The following CNTNAP5 variants were observed in gnomAD, a reference collection of about 807,000 sequenced individuals.
CNTNAP5 encodes the protein contactin-associated protein-like 5.
CNTNAP5 carries 72 observed loss-of-function variants against 150.2 expected under a neutral mutation model. That is an observed-to-expected ratio of 0.48 (90% CI 0.40 to 0.58). The LOEUF (loss-of-function observed/expected upper bound fraction) is 0.58. CNTNAP5 is among the 20% of genes least tolerant of loss of function. The probability of loss-of-function intolerance (pLI) is 0.00; values close to 1 mark genes in which losing one functional copy is unlikely to be tolerated. For missense variants in CNTNAP5, 1,636 were observed against 1,626.2 expected (o/e 1.01, Z -0.10); for synonymous variants, 672 against 619.8 (o/e 1.08, Z -1.25).
At chr2:124,048,097 G>C (rs566185406) in intron 1 of CNTNAP5, among the ~76,000 whole-genome samples, 1 of 152,276 alleles carries the variant, frequency 6.6e-6, no homozygotes, top group East Asian at 1.9e-4. Context: ...CATTCTGCCT[G>C]TTTTACTAGT....
intron 2 of CNTNAP5, among the ~76,000 whole-genome samples, chr2:124,237,763 T>A (rs1247789813): frequency 6.6e-6 from 1 of 151,846 alleles, no homozygotes; most frequent in Non-Finnish European, 1.5e-5. Flanking sequence ...CGTCAACCCA[T>A]GAGGCAGAGG....
intron 10 of CNTNAP5, among the ~76,000 whole-genome samples, chr2:124,547,262 A>C (rs1017951563): frequency 2.0e-5 from 3 of 152,170 alleles, no homozygotes; most frequent in Non-Finnish European, 4.4e-5. Context: ...GGAGAGAGTA[A>C]GCCCCGCAAG....
At chr2:124,544,760 C>A (rs958148931) in intron 10 of CNTNAP5, among the ~76,000 whole-genome samples, 1 of 152,120 alleles carries the variant, frequency 6.6e-6, no homozygotes, top group Non-Finnish European at 1.5e-5. Flanking sequence ...TTACATTTTT[C>A]TTATCCATAA....
chr2:124,576,470 C>T (rs975715348), intron 11 of CNTNAP5, among the ~76,000 whole-genome samples: 3 of 152,178 alleles, frequency 2.0e-5, no homozygotes, highest in African/African-American at 7.2e-5. Flanking sequence ...TGTTACATAA[C>T]ATATGCAGAT....
At position 124,375,957 on chromosome 2, in the gene CNTNAP5, A is replaced by G. The variant is rs567721242; in HGVS notation, c.382-41486A>G. Among the ~76,000 whole-genome samples, 288 of 152,186 alleles carry G rather than the reference A, an allele frequency of 1.9e-3. 2 individuals are homozygous for G. Among genetic ancestry groups the G allele is most frequent in the African/African-American group, 6.7e-3 (277 of 41,544 alleles). On this transcript the variant is annotated intron_variant, in intron 3 of 23. Transcript: ENST00000682447. ...CCTTGAAAAGTGTCCTCAAAATGGA[A>G]CCAAAGGTCATTCCAGGCTTTGGCC...
chr2:124,814,575 C>T (rs1682309033), intron 19 of CNTNAP5, among the ~76,000 whole-genome samples: 1 of 151,772 alleles, frequency 6.6e-6, no homozygotes, highest in South Asian at 2.1e-4. Context: ...AAAAATAGGG[C>T]ATTTTTTTTT....
At chr2:124,216,975 A>T (rs939415084) in intron 1 of CNTNAP5, among the ~76,000 whole-genome samples, 14 of 152,180 alleles carry the variant, frequency 9.2e-5, no homozygotes, top group Admixed American at 2.6e-4. Flanking sequence ...ACCAACTTCC[A>T]CAATGGTTAA....
At chr2:124,467,230 C>G (rs887546277) in intron 6 of CNTNAP5, among the ~76,000 whole-genome samples, 5 of 152,126 alleles carry the variant, frequency 3.3e-5, no homozygotes, top group Admixed American at 1.3e-4. Flanking sequence ...TTCCAACATG[C>G]AGAGGCCCTA....
intron 12 of CNTNAP5, among the ~76,000 whole-genome samples, chr2:124,646,623 T>C (rs920572735): frequency 2.6e-5 from 4 of 152,230 alleles, no homozygotes; most frequent in African/African-American, 9.6e-5. Context: ...AGAATTAAAT[T>C]GCATGTCCAA....
intron 3 of CNTNAP5, among the ~76,000 whole-genome samples, chr2:124,374,678 A>G (rs1690604002): frequency 1.3e-5 from 2 of 152,162 alleles, no homozygotes; most frequent in South Asian, 2.1e-4. Flanking sequence ...GACATGTCAC[A>G]TAAGTCAGAC....
chr2:124,836,721 A>G (rs1440466049), intron 19 of CNTNAP5, among the ~76,000 whole-genome samples: 1 of 151,972 alleles, frequency 6.6e-6, no homozygotes, highest in Admixed American at 6.6e-5. Flanking sequence ...TCCATGGGTA[A>G]TATGCCCCGG....
At chr2:124,255,630 A>T (rs1397699470) in intron 3 of CNTNAP5, among the ~76,000 whole-genome samples, 1 of 152,044 alleles carries the variant, frequency 6.6e-6, no homozygotes, top group African/African-American at 2.4e-5. Flanking sequence ...GGAATAAGGG[A>T]TCAAGAAAAA....
intron 10 of CNTNAP5, among the ~76,000 whole-genome samples, chr2:124,556,284 CAG>C (rs1450915760): frequency 6.6e-6 from 1 of 152,098 alleles, no homozygotes. Flanking sequence ...ATCTGTAAAA[CAG>C]GGGAAATAAT....
intron 1 of CNTNAP5, among the ~76,000 whole-genome samples, chr2:124,117,600 G>A (rs144077120): frequency 1.4e-3 from 220 of 152,250 alleles, no homozygotes; most frequent in African/African-American, 5.2e-3. Flanking sequence ...ACTTAACACT[G>A]TATTTTCTAA....
At chr2:124,574,194 G>C (rs191014384) in intron 11 of CNTNAP5, among the ~76,000 whole-genome samples, 4 of 151,956 alleles carry the variant, frequency 2.6e-5, no homozygotes, top group Non-Finnish European at 5.9e-5. Flanking sequence ...GGCAGGTTGC[G>C]GGGGGGACGG....
intron 10 of CNTNAP5, among the ~76,000 whole-genome samples, chr2:124,538,506 ACT>A (rs1027032364): frequency 2.0e-5 from 3 of 151,188 alleles, no homozygotes; most frequent in African/African-American, 7.3e-5. Context: ...AGAAAGAGAG[ACT>A]CTGTCAGAAA....
chr2:124,587,364 A>G (rs568080267), intron 11 of CNTNAP5, among the ~76,000 whole-genome samples: 106 of 152,318 alleles, frequency 7.0e-4, no homozygotes, highest in Non-Finnish European at 1.0e-3. Context: ...TTACCATAGT[A>G]TTGAATCAAC....
At chr2:124,908,729 C>A (rs1466513637) in intron 22 of CNTNAP5, among the ~76,000 whole-genome samples, 1 of 152,020 alleles carries the variant, frequency 6.6e-6, no homozygotes, top group Non-Finnish European at 1.5e-5. Flanking sequence ...GCCTTGAAGA[C>A]CTTTCAGTGG....
At chr2:124,268,994 A>G (rs1243189688) in intron 3 of CNTNAP5, among the ~76,000 whole-genome samples, 7 of 152,110 alleles carry the variant, frequency 4.6e-5, no homozygotes, top group Admixed American at 4.6e-4. Context: ...TGGGAAAACA[A>G]CAGCAACACC....
Sources: gnomAD v4.1 joint callset for allele counts (sites outside exome capture counted in the v4.1 genomes callset) on GRCh38, gnomAD v4.1.1 for gene constraint, MANE v1.5 for transcripts, NCBI Gene and HGNC (gene_info 2026-07-23, HGNC 2026-07-21) for gene names.